Variants in ABL1 observed in about 807,000 individuals in gnomAD.
ABL1 encodes ABL proto-oncogene 1, non-receptor tyrosine kinase.
Under a neutral mutation model 94.7 loss-of-function variants are expected in ABL1, and 11 were observed. The ratio of observed to expected loss-of-function variants is 0.12; its 90% CI spans 0.07 to 0.19. The LOEUF is 0.19. Among genes scored for constraint, ABL1 ranks in the 10% least tolerant of loss-of-function variants. The pLI is 1.00. For synonymous variants in ABL1, 656 were observed against 622.4 expected, an observed-to-expected ratio of 1.05 and a Z score of -0.80; for missense variants, 1,082 against 1,489.4, an observed-to-expected ratio of 0.73 and a Z score of 4.50.
At position 130,744,862 on chromosome 9, in the gene ABL1, A is replaced by G. The variant is rs186913102; in HGVS notation, c.136+30407A>G. ...ACAGAGTGAGACTCCGTCTCAAAAA[A>G]AAAAAAAAAAACAAAACTATCTTTT... On this transcript the variant is annotated intron_variant, in intron 1 of 10. Coordinates refer to the ABL1 transcript ENST00000372348. Among the ~76,000 whole-genome samples the G allele has an allele frequency of 8.4e-3, 1,266 of 151,292 alleles. 32 individuals carry two copies. Among genetic ancestry groups the G allele is most frequent in the African/African-American group, 0.03 (1,231 of 40,956 alleles).
chr9:130,856,046 G>C (rs1347271458), intron 3 of ABL1, among the ~76,000 whole-genome samples: 1 of 152,116 alleles, frequency 6.6e-6, no homozygotes, highest in Non-Finnish European at 1.5e-5. Context: ...CTTCCGAGTA[G>C]TTGGGACCAC....
chr9:130,880,846 C>G lies in ABL1; in HGVS notation c.1678+182C>G, dbSNP rs1831439976. On this transcript the variant is annotated intron_variant, in intron 10 of 10. Coordinates refer to ENST00000318560, the MANE Select transcript of ABL1 (RefSeq NM_005157.6). This position sits in a 1 kb window ranked among gnomAD's most constrained non-coding sequence, Gnocchi z 4.4. Reference sequence around the variant, plus strand: ...CTCCTCTCCCCACCTGCCTCCTATCCCCTCCCTCTGAGAGTCCCCGAGGAG... The same window carrying G: ...CTCCTCTCCCCACCTGCCTCCTATCGCCTCCCTCTGAGAGTCCCCGAGGAG... 6.6e-6 allele frequency among the ~76,000 whole-genome samples: 1 copy of G among 152,220 alleles called. No individual in the cohort carries two copies. The highest frequency in any genetic ancestry group is 1.5e-5 in the Non-Finnish European group (1 of 68,036).
chr9:130,725,974 G>C (rs1564269600), intron 1 of ABL1, among the ~76,000 whole-genome samples: 1 of 149,644 alleles, frequency 6.7e-6, no homozygotes, highest in South Asian at 2.1e-4. Flanking sequence ...TCAGCCTCTC[G>C]AGTAGCTGGG....
At chr9:130,866,243 G>A (rs1356108245) in intron 4 of ABL1, among the ~76,000 whole-genome samples, 1 of 152,080 alleles carries the variant, frequency 6.6e-6, no homozygotes, top group Non-Finnish European at 1.5e-5. Flanking sequence ...TTGAACTGGG[G>A]CACTCAGCTC....
intron 3 of ABL1, among the ~76,000 whole-genome samples, chr9:130,858,514 G>A (rs749490840): frequency 2.0e-5 from 3 of 152,078 alleles, no homozygotes; most frequent in Admixed American, 6.6e-5. Context: ...AGCCCACAGC[G>A]TCATCCAGCA....
chr9:130,885,332 A>G lies in ABL1; in HGVS notation c.3042A>G (p.Lys1014=). Residue 1014 remains lysine (K), a synonymous_variant, in exon 11 of 11, where the codon AAA becomes AAG. Transcript: ENST00000318560. ...PLISTRVSLR[K]TRQPPERIAS... The stretch of plus-strand genomic sequence containing the variant: ...TATCAACCCGAGTGTCTCTTCGGAA[A>G]ACCCGCCAGCCTCCAGAGCGGATCG... 1 of 1,613,624 alleles carries G rather than the reference A, an allele frequency of 6.2e-7. No homozygotes were observed. Among genetic ancestry groups the G allele is most frequent in the Non-Finnish European group, 8.5e-7 (1 of 1,180,042 alleles).
chr9:130,714,771 G>A (rs1831416561), intron 1 of ABL1, among the ~76,000 whole-genome samples: 1 of 152,114 alleles, frequency 6.6e-6, no homozygotes. Flanking sequence ...GGTTTCTTAG[G>A]GTCCCTGGTT....
chr9:130,812,621 C>T (rs1340437239), intron 1 of ABL1, among the ~76,000 whole-genome samples: 1 of 152,150 alleles, frequency 6.6e-6, no homozygotes, highest in African/African-American at 2.4e-5. Context: ...TAAAGAGATA[C>T]ATTCATCAAG....
intron 1 of ABL1, among the ~76,000 whole-genome samples, chr9:130,807,943 C>T (rs184417273): frequency 1.0e-3 from 154 of 151,114 alleles, no homozygotes; most frequent in African/African-American, 3.4e-3. Context: ...GGTGATCCCC[C>T]CCACCTCAGC....
chr9:130,857,893 A>G (rs1246080198), intron 3 of ABL1, among the ~76,000 whole-genome samples: 2 of 152,176 alleles, frequency 1.3e-5, no homozygotes, highest in East Asian at 3.9e-4. Flanking sequence ...TTCTTATCCC[A>G]GAGGTGGAGC....
In ABL1 at chr9:130,886,841, G is replaced by T. The variant is rs1831593669; in HGVS notation, c.*1158G>T. The T allele has an allele frequency of 8.6e-6, 2 of 233,200 alleles. No homozygotes were observed. The highest frequency in any genetic ancestry group is 6.0e-5 in the East Asian group (1 of 16,570). 14.4% of individuals were successfully genotyped at this position (233,200 alleles called of 1,614,324 possible). A position where few individuals can be genotyped will look rare whatever the true frequency, so the allele number is the denominator to read the frequency against. ...ACCTGCGCACAGGTGGGAGGAAAGG[G>T]CCTGGCCAGTCCTGGTCCTGGCTGC... On this transcript the variant is annotated 3_prime_UTR_variant, in exon 11 of 11. Coordinates refer to ENST00000318560, the MANE Select transcript of ABL1 (RefSeq NM_005157.6).
At chr9:130,719,265 A>G (rs1831485258) in intron 1 of ABL1, among the ~76,000 whole-genome samples, 1 of 152,202 alleles carries the variant, frequency 6.6e-6, no homozygotes, top group Admixed American at 6.5e-5. Flanking sequence ...ACGGTGGCTC[A>G]TGCCTATAAT....
At chr9:130,827,396 C>T (rs1157636291) in intron 1 of ABL1, among the ~76,000 whole-genome samples, 1 of 152,182 alleles carries the variant, frequency 6.6e-6, no homozygotes, top group African/African-American at 2.4e-5. Context: ...TGAAGCTTAC[C>T]AGTGGCTGTG....
rs1242037137 is a variant in ABL1 at position 130,814,774 on chromosome 9, G to A, written c.137-39290G>A. The stretch of plus-strand genomic sequence containing the variant: ...CGCCTGTAGTCCCAGCTACTCAGGA[G>A]GCTGAGGCAGGAGAATGGCTTGAAC... On this transcript the variant is annotated intron_variant, in intron 1 of 10. Transcript: ENST00000372348. This position sits in a 1 kb window ranked among gnomAD's most constrained non-coding sequence, Gnocchi z 4.4. 3.9e-5 allele frequency among the ~76,000 whole-genome samples: 6 copies of A among 152,280 alleles called. No individual in the cohort carries two copies. The East Asian group carries it at 1.2e-3, about 29-fold the overall frequency.
At chr9:130,828,644 T>C (rs1022534738) in intron 1 of ABL1, among the ~76,000 whole-genome samples, 6 of 151,834 alleles carry the variant, frequency 4.0e-5, no homozygotes, top group African/African-American at 1.5e-4. Flanking sequence ...GAGGCAGAAG[T>C]TGTAGTGAGC....
At chr9:130,732,766 A>G (rs1446767247) in intron 1 of ABL1, among the ~76,000 whole-genome samples, 2 of 135,256 alleles carry the variant, frequency 1.5e-5, no homozygotes, top group Admixed American at 7.8e-5. Flanking sequence ...AGCTAACATT[A>G]TAGGCACAGT....
chr9:130,801,114 G>A (rs1830049002), intron 1 of ABL1, among the ~76,000 whole-genome samples: 1 of 151,940 alleles, frequency 6.6e-6, no homozygotes, highest in Non-Finnish European at 1.5e-5. Flanking sequence ...ATTTTTAGTA[G>A]AGACGGGGTT....
Position 130,887,041 on chromosome 9 carries a change from G to T in ABL1, c.*1358G>T, listed in dbSNP as rs552587778. ...CGAGGCTGCCCCAGGCCGGAGCCCA[G>T]ATACGGGGGCTGTGACTCTGGGCAG... On this transcript the variant is annotated 3_prime_UTR_variant, in exon 11 of 11. Coordinates refer to ENST00000318560, the MANE Select transcript of ABL1 (RefSeq NM_005157.6). 1 of 233,108 alleles carries T rather than the reference G, an allele frequency of 4.3e-6. No individual in the cohort carries two copies. Among genetic ancestry groups the T allele is most frequent in the African/African-American group, 2.2e-5 (1 of 45,466 alleles). 14.4% of individuals were successfully genotyped at this position (233,108 alleles called of 1,614,324 possible).
rs144123114 is a variant in ABL1 at position 130,787,631 on chromosome 9, G to A, written c.137-66433G>A. 1.6e-3 allele frequency among the ~76,000 whole-genome samples: 236 copies of A among 152,214 alleles called. 1 individual carries two copies. The highest frequency in any genetic ancestry group is 5.3e-3 in the African/African-American group (220 of 41,540). On this transcript the variant is annotated intron_variant, in intron 1 of 10. Coordinates refer to the ABL1 transcript ENST00000372348. ...GATTTTACCCGAGTCCGGTATTGAG[G>A]GGTGCTCTCTCCAGCCTCGTGCTCT...
Sources: allele counts gnomAD v4.1 joint callset (sites outside exome capture counted in the v4.1 genomes callset), GRCh38; gene constraint gnomAD v4.1.1; non-coding constraint Gnocchi (gnomAD v3.1); transcripts MANE v1.5; gene names NCBI Gene and HGNC (gene_info 2026-07-23, HGNC 2026-07-21).